The following TRIM66 variants were observed in gnomAD, a reference collection of about 807,000 sequenced individuals.
The protein encoded by TRIM66 is tripartite motif-containing protein 66.
TRIM66 carries 99 observed loss-of-function variants against 148.2 expected under a neutral mutation model. That is an observed-to-expected ratio of 0.67 (90% confidence interval 0.57 to 0.79). The LOEUF (loss-of-function observed/expected upper bound fraction) is 0.79. Ranked by LOEUF, TRIM66 falls within the 30% of genes least tolerant of loss-of-function variation. TRIM66 has a pLI of 0.00. For synonymous variants in TRIM66, 616 were observed against 635.9 expected (o/e 0.97, Z 0.47); for missense variants, 1,666 against 1,697.9 (o/e 0.98, Z 0.33).
chr11:8,632,772 T>C (rs1235591827), intron 15 of TRIM66, among the ~76,000 whole-genome samples: 11 of 152,194 alleles, frequency 7.2e-5, no homozygotes. Context: ...CACATGTTGA[T>C]TTTTAATGGC....
intron 1 of TRIM66, chr11:8,682,292 G>C (rs1475563470): frequency 6.5e-6 from 1 of 154,734 alleles, no homozygotes; most frequent in African/African-American, 2.4e-5. Flanking sequence ...CGAGACACCA[G>C]GTGGGCACAC....
intron 6 of TRIM66, among the ~76,000 whole-genome samples, chr11:8,670,024 T>G (rs1186488226): frequency 6.6e-6 from 1 of 150,688 alleles, no homozygotes; most frequent in Admixed American, 6.6e-5. Flanking sequence ...TTTATTTTTT[T>G]TTTTTTGAGA....
chr11:8,619,208 T>A, intron 23 of TRIM66, 175 bp downstream of exon 23: 1 of 811,802 alleles, frequency 1.2e-6, no homozygotes, highest in Non-Finnish European at 1.9e-6. Flanking sequence ...CCTGAGTCCA[T>A]GCTAAGGCCT....
chr11:8,682,191 G>A (rs113015428), intron 1 of TRIM66, among the ~76,000 whole-genome samples: 1 of 152,196 alleles, frequency 6.6e-6, no homozygotes, highest in Non-Finnish European at 1.5e-5. Context: ...ATAGCAAAAG[G>A]GCAAAAGAGA....
chr11:8,659,646 A>T (rs999867554), intron 6 of TRIM66, among the ~76,000 whole-genome samples: 9 of 152,158 alleles, frequency 5.9e-5, no homozygotes, highest in African/African-American at 1.4e-4. Flanking sequence ...AGAAATCCTG[A>T]ATCTACCAAA....
chr11:8,666,341 G>GAAAAAAAAA (rs558326812), intron 6 of TRIM66, among the ~76,000 whole-genome samples: 2 of 23,538 alleles, frequency 8.5e-5, no homozygotes, highest in Non-Finnish European at 1.3e-4. Context: ...CTCCGCCTCA[G>GAAAAAAAAA]AAAAAAAAAA....
chr11:8,621,736 A>ACAGGC lies in TRIM66; in HGVS notation c.3159_3163dup (p.Val1055GlyfsTer6). 6.4e-7 allele frequency: 1 copy of ACAGGC among 1,551,694 alleles called. No homozygotes were observed. The highest frequency in any genetic ancestry group is 8.7e-7 in the Non-Finnish European group (1 of 1,146,990). On this transcript the variant is annotated frameshift_variant, in exon 19 of 25. Coordinates refer to ENST00000646038, the MANE Select transcript of TRIM66 (RefSeq NM_001388022.1). LOFTEE classifies it high-confidence loss of function. ...ATTCTTCTGTGGCTTCAGTTTGAAC[A>ACAGGC]CAGGCATCTCTCCTGAGGAGGCAGC...
In TRIM66 at chr11:8,624,828, G is replaced by A; in HGVS notation, c.2711C>T (p.Pro904Leu). The A allele has an allele frequency of 3.2e-6, 5 of 1,551,732 alleles. No individual in the cohort carries two copies. The highest frequency in any genetic ancestry group is 4.4e-6 in the Non-Finnish European group (5 of 1,146,978). Residue 904 changes from proline (P) to leucine (L), a missense_variant, in exon 16 of 25, where the codon CCT (proline) becomes CTT (leucine). Transcript: ENST00000646038. ...TTCTGGCTGCATGTCAGAAACTGGA[G>A]GGATGCTCTGCAGAGGACAAGTTGC... ...SLATCPLQSIPPVSDMQPETG... is the reference protein window; with the variant it reads ...SLATCPLQSILPVSDMQPETG...
chr11:8,630,495 A>T (rs1358069416), intron 15 of TRIM66, among the ~76,000 whole-genome samples: 1 of 152,202 alleles, frequency 6.6e-6, no homozygotes, highest in African/African-American at 2.4e-5. Context: ...GTATATTTTG[A>T]GATTCACTAC....
chr11:8,672,132 T>G (rs1267394173), intron 5 of TRIM66, 34 bp from the exon 6 acceptor site: 1 of 1,528,900 alleles, frequency 6.5e-7, no homozygotes, highest in Non-Finnish European at 8.7e-7. Context: ...GTGATCTACT[T>G]ATTTTGAGCA....
intron 11 of TRIM66, 90 bp downstream of exon 11, chr11:8,646,357 T>A: frequency 9.4e-7 from 1 of 1,065,902 alleles, no homozygotes; most frequent in Non-Finnish European, 1.4e-6. Flanking sequence ...CATATCTGAA[T>A]TACAGCCTAG....
chr11:8,622,875 C>A lies in TRIM66; in HGVS notation c.3021G>T (p.Glu1007Asp), dbSNP rs567437538. ...GGGCTCCTTGTTCAAAATTCTCACACTCTAAGGCAAAAGACAAACAAATAC... is the reference window on the plus strand; with the variant it reads ...GGGCTCCTTGTTCAAAATTCTCACAATCTAAGGCAAAAGACAAACAAATAC... ...TALQQYQNPK[E>D]CENFEQGALE... The change falls in exon 18 of 25, where the codon GAG (glutamate) becomes GAT (aspartate). Residue 1007 changes from glutamate to aspartate, a missense_variant and splice_region_variant. This residue lies in a region of TRIM66 where 1,431 missense variants were observed against 1,412.4 expected (regional missense o/e 1.01). Coordinates refer to ENST00000646038, the MANE Select transcript of TRIM66 (RefSeq NM_001388022.1). 1 of 1,551,970 alleles carries A rather than the reference C, an allele frequency of 6.4e-7. No homozygotes were observed. The highest frequency in any genetic ancestry group is 8.7e-7 in the Non-Finnish European group (1 of 1,147,042).
chr11:8,658,018 T>C (rs562322822), intron 6 of TRIM66, among the ~76,000 whole-genome samples: 3 of 152,320 alleles, frequency 2.0e-5, no homozygotes, highest in Admixed American at 6.5e-5. Context: ...ACACCCACCC[T>C]GCATGCTGCA....
At chr11:8,642,922 G>T in intron 13 of TRIM66, 87 bp downstream of exon 13, 4 of 660,630 alleles carry the variant, frequency 6.1e-6, no homozygotes, top group South Asian at 3.2e-5. Context: ...GCTTTCTCTT[G>T]GGCATATGCT....
chr11:8,672,140 G>C, intron 5 of TRIM66, 42 bp from the exon 6 acceptor site: 5 of 1,527,934 alleles, frequency 3.3e-6, no homozygotes, highest in Non-Finnish European at 4.4e-6. Context: ...CTTATTTTGA[G>C]CAGAAAAAAA....
intron 20 of TRIM66, among the ~76,000 whole-genome samples, 163 bp downstream of exon 20, chr11:8,620,869 G>A (rs1389975100): frequency 6.6e-6 from 1 of 152,244 alleles, no homozygotes; most frequent in Non-Finnish European, 1.5e-5. Flanking sequence ...CTGTCTGTGT[G>A]CAGAAGATAC....
At chr11:8,623,502 T>C (rs2034508097) in intron 17 of TRIM66, among the ~76,000 whole-genome samples, 1 of 152,214 alleles carries the variant, frequency 6.6e-6, no homozygotes, top group Non-Finnish European at 1.5e-5. Flanking sequence ...GAACCAACGA[T>C]TTTTCAGTTG....
Position 8,649,902 on chromosome 11 carries a change from T to C in TRIM66, c.445-15A>G, listed in dbSNP as rs1183720021. 2 of 1,546,566 alleles carry C rather than the reference T, an allele frequency of 1.3e-6. No homozygotes were observed. The highest frequency in any genetic ancestry group is 1.2e-5 in the South Asian group (1 of 83,906). On this transcript the variant is annotated splice_polypyrimidine_tract_variant and intron_variant, in intron 7 of 24. Coordinates refer to ENST00000646038, the MANE Select transcript of TRIM66 (RefSeq NM_001388022.1). ...TCAGAGCAGTTCTGGAAGCAGAGAG[T>C]TCTGGAGTTACTGATGTTATCCTCA...
At position 8,616,859 on chromosome 11, in the gene TRIM66, C is replaced by T. The variant is rs1218920778; in HGVS notation, c.*1085G>A. 6.6e-6 allele frequency: 1 copy of T among 152,188 alleles called. No individual in the cohort carries two copies. The highest frequency in any genetic ancestry group is 1.5e-5 in the Non-Finnish European group (1 of 68,070). The allele number at this position is 152,188 out of a possible 1,614,324, so 9.4% of individuals were successfully genotyped here. On this transcript the variant is annotated 3_prime_UTR_variant, in exon 25 of 25. Transcript: ENST00000646038. ...TGGCTTTTTTGGGGCTGTAGACAGC[C>T]TGGAGGCGGGCTGGTCAGAAGACTC...
Sources: gnomAD v4.1 joint callset for allele counts (sites outside exome capture counted in the v4.1 genomes callset) on GRCh38, gnomAD v4.1.1 for gene constraint, gnomAD v4.1.1 regional missense constraint, MANE v1.5 for transcripts, NCBI Gene and HGNC (gene_info 2026-07-23, HGNC 2026-07-21) for gene names.